The following POLA1 variants were observed in gnomAD, a reference collection of about 807,000 sequenced individuals.
The protein encoded by POLA1 is DNA polymerase alpha 1, catalytic subunit, also known as DNA polymerase alpha catalytic subunit.
A neutral mutation model predicts 124.0 loss-of-function variants in POLA1; 15 were observed. The observed-to-expected ratio is 0.12, with a 90% CI of 0.08 to 0.19. The LOEUF (loss-of-function observed/expected upper bound fraction) is 0.19, where lower values mean the gene tolerates loss of function less well. Ranked by LOEUF, POLA1 falls within the 10% of genes least tolerant of loss-of-function variation. The pLI is 1.00. For synonymous variants in POLA1, 408 were observed against 389.4 expected (o/e 1.05, Z -0.56); for missense variants, 886 against 1,103.4 (o/e 0.80, Z 2.79).
chrX:24,852,151 G>A (rs903573907), intron 34 of POLA1, among the ~76,000 whole-genome samples: 1 of 111,554 alleles, frequency 9.0e-6, no homozygotes, highest in African/African-American at 3.3e-5. Flanking sequence ...TTTAGGAGTG[G>A]GTTAATTCAG....
chrX:24,889,878 A>G (rs1039667994), intron 35 of POLA1, among the ~76,000 whole-genome samples: 42 of 111,024 alleles, frequency 3.8e-4, no homozygotes, highest in African/African-American at 1.2e-3. Context: ...TAAAATAATA[A>G]TGACTTAATT....
chrX:24,820,946 C>T (rs757298840), intron 30 of POLA1, among the ~76,000 whole-genome samples: 2 of 112,040 alleles, frequency 1.8e-5, no homozygotes, highest in African/African-American at 3.2e-5. Flanking sequence ...TTCCTGTTCT[C>T]GTAGTACTTA....
intron 36 of POLA1, among the ~76,000 whole-genome samples, chrX:24,940,462 T>C (rs1195053689): frequency 8.9e-6 from 1 of 111,748 alleles, no homozygotes; most frequent in Non-Finnish European, 1.9e-5. Flanking sequence ...GTAATACTCA[T>C]GGCAGAGAAG....
rs1932145420 is a variant in POLA1, at chrX:24,748,475, T to C, written c.2841+15T>C. 1 of 1,149,823 alleles carries C rather than the reference T, an allele frequency of 8.7e-7. No individual in the cohort carries two copies. Among genetic ancestry groups the C allele is most frequent in the East Asian group, 3.0e-5 (1 of 33,242 alleles). 94.8% of individuals were successfully genotyped at this position (1,149,823 alleles called of 1,213,427 possible). A position where few individuals can be genotyped will look rare whatever the true frequency, so the allele number is the denominator to read the frequency against. ...TTATTCTTCAGGTATATCTTTTCACTAAGAAACATTTGAGTGACAGTCTCA... is the reference window on the plus strand; with the variant it reads ...TTATTCTTCAGGTATATCTTTTCACCAAGAAACATTTGAGTGACAGTCTCA... On this transcript the variant is annotated intron_variant, in intron 25 of 36. Coordinates refer to ENST00000379068, the MANE Select transcript of POLA1 (RefSeq NM_001330360.2).
chrX:24,875,965 T>C lies in POLA1; in HGVS notation c.4048-12041T>C, dbSNP rs911528012. 3.6e-5 allele frequency among the ~76,000 whole-genome samples: 4 copies of C among 112,217 alleles called. No homozygotes were observed. In the East Asian group the frequency reaches 1.1e-3, roughly 31 times the overall value. ...AGTATTATGACAGAATTTGTGCCTCTTAGAAAAAAACTGCTCCTTTACTAT... is the reference window on the plus strand; with the variant it reads ...AGTATTATGACAGAATTTGTGCCTCCTAGAAAAAAACTGCTCCTTTACTAT... On this transcript the variant is annotated intron_variant, in intron 34 of 36. Transcript: ENST00000379068.
At chrX:24,699,123 C>T (rs1171516717) in intron 1 of POLA1, among the ~76,000 whole-genome samples, 1 of 112,065 alleles carries the variant, frequency 8.9e-6, no homozygotes, top group African/African-American at 3.2e-5. Context: ...CAGCTGATCT[C>T]CCTTGTTTAG....
At chrX:24,779,367 G>A (rs767023898) in intron 26 of POLA1, among the ~76,000 whole-genome samples, 1 of 112,335 alleles carries the variant, frequency 8.9e-6, no homozygotes, top group South Asian at 3.7e-4. Flanking sequence ...GTGGGCCACC[G>A]CGCCCGGCCT....
At chrX:24,943,262 G>GA (rs1391002700) in intron 36 of POLA1, among the ~76,000 whole-genome samples, 3 of 112,320 alleles carry the variant, frequency 2.7e-5, no homozygotes, top group African/African-American at 9.7e-5. Flanking sequence ...AAACAAAATA[G>GA]AAATTGGAAT....
At chrX:24,765,766 A>G (rs1398093740) in intron 26 of POLA1, among the ~76,000 whole-genome samples, 3 of 112,273 alleles carry the variant, frequency 2.7e-5, no homozygotes, top group Non-Finnish European at 5.6e-5. Context: ...AGATTTTGTC[A>G]TAATTATTTC....
chrX:24,738,309 A>G (rs751604667), intron 19 of POLA1, among the ~76,000 whole-genome samples: 2 of 110,117 alleles, frequency 1.8e-5, no homozygotes, highest in East Asian at 5.6e-4. Context: ...GACAGCCCAT[A>G]CATGTTACCT....
chrX:24,756,420 G>A (rs1274763177), intron 26 of POLA1, among the ~76,000 whole-genome samples: 2 of 109,718 alleles, frequency 1.8e-5, no homozygotes, highest in Non-Finnish European at 1.9e-5. Context: ...AAAATTAGCC[G>A]GGCGTGGTGG....
intron 2 of POLA1, among the ~76,000 whole-genome samples, chrX:24,700,690 G>A (rs1928354015): frequency 9.0e-6 from 1 of 111,439 alleles, no homozygotes; most frequent in Non-Finnish European, 1.9e-5. Context: ...TGTATTTTTA[G>A]TAGAGACGGG....
At chrX:24,762,383 A>C (rs1249897371) in intron 26 of POLA1, among the ~76,000 whole-genome samples, 2 of 112,383 alleles carry the variant, frequency 1.8e-5, no homozygotes, top group Non-Finnish European at 3.8e-5. Flanking sequence ...GAAAGAAAAT[A>C]AGTGCTAAGA....
At chrX:24,829,449 A>G (rs1244118265) in intron 32 of POLA1, among the ~76,000 whole-genome samples, 1 of 111,345 alleles carries the variant, frequency 9.0e-6, no homozygotes, top group Non-Finnish European at 1.9e-5. Flanking sequence ...AGCAGTATAT[A>G]CACAGCCATC....
At position 24,704,369 on chromosome X, in the gene POLA1, A is replaced by G; in HGVS notation, c.266-20A>G. 6 of 1,135,767 alleles carry G rather than the reference A, an allele frequency of 5.3e-6. No individual in the cohort carries two copies. The highest frequency in any genetic ancestry group is 7.2e-6 in the Non-Finnish European group (6 of 828,291). 93.6% of individuals were successfully genotyped at this position (1,135,767 alleles called of 1,213,427 possible). A position where few individuals can be genotyped will look rare whatever the true frequency, so the allele number is the denominator to read the frequency against. ...CCACTTTTAGAAATTTGATCCCAGT[A>G]TTAAATTTTGTCCCTGCAGATGGTA... On this transcript the variant is annotated intron_variant, in intron 3 of 36. Transcript: ENST00000379068.
intron 33 of POLA1, 67 bp downstream of exon 33, chrX:24,841,897 A>G (rs1432502917): frequency 5.5e-5 from 43 of 775,423 alleles, no homozygotes; most frequent in Non-Finnish European, 7.8e-5. Context: ...TTCCCCCACT[A>G]TGGGGTATAT....
At position 24,852,613 on chromosome X, in the gene POLA1, C is replaced by G. The variant is rs187920376; in HGVS notation, c.4047+8936C>G. 8.0e-5 allele frequency among the ~76,000 whole-genome samples: 9 copies of G among 112,084 alleles called. No individual in the cohort carries two copies. The East Asian group carries it at 2.0e-3, about 25-fold the overall frequency. On this transcript the variant is annotated intron_variant, in intron 34 of 36. Coordinates refer to ENST00000379068, the MANE Select transcript of POLA1 (RefSeq NM_001330360.2). ...GCGTGAGCCACCATGCCTGGCTGAC[C>G]TCAGCTTGCTTTTGAAAACCAGTGT...
At chrX:24,805,628 C>T (rs1029203295) in intron 26 of POLA1, among the ~76,000 whole-genome samples, 1 of 111,702 alleles carries the variant, frequency 9.0e-6, no homozygotes, top group Non-Finnish European at 1.9e-5. Context: ...AACAGCTGTA[C>T]TTTGTTAAGG....
chrX:24,981,502 A>G (rs947079888), intron 36 of POLA1, among the ~76,000 whole-genome samples: 5 of 112,842 alleles, frequency 4.4e-5, no homozygotes, highest in East Asian at 2.8e-4. Context: ...ACTTCGAGCT[A>G]TTGTTAAACA....
Sources: gnomAD v4.1 joint callset for allele counts (sites outside exome capture counted in the v4.1 genomes callset) on GRCh38, gnomAD v4.1.1 for gene constraint, MANE v1.5 for transcripts, NCBI Gene and HGNC (gene_info 2026-07-23, HGNC 2026-07-21) for gene names.